Variants in RHPN2 observed in about 807,000 individuals in gnomAD.
The protein encoded by RHPN2 is rhophilin-2.
RHPN2 carries 40 observed loss-of-function variants against 79.0 expected under a neutral mutation model. The observed-to-expected ratio is 0.51, with a 90% CI of 0.39 to 0.66. The LOEUF (loss-of-function observed/expected upper bound fraction) is 0.66. Ranked by LOEUF, RHPN2 falls within the 30% of genes least tolerant of loss-of-function variation. RHPN2 has a pLI of 0.00. For missense variants in RHPN2, 686 were observed against 883.5 expected, an observed-to-expected ratio of 0.78 and a Z score of 2.83; for synonymous variants, 285 against 363.5, an observed-to-expected ratio of 0.78 and a Z score of 2.46.
At position 33,034,605 on chromosome 19, in the gene RHPN2, C is replaced by CAAAAA. The variant is rs71176187; in HGVS notation, c.186-7978_186-7974dup. ...TGGGTGACAGAGCGAGACTCCGTCT[C>CAAAAA]AAAAAAAAAAAAAAAAAATACAAAA... On this transcript the variant is annotated intron_variant, in intron 2 of 14. Coordinates refer to ENST00000254260, the MANE Select transcript of RHPN2 (RefSeq NM_033103.5). Among the ~76,000 whole-genome samples, 321 of 95,568 alleles carry CAAAAA rather than the reference C, an allele frequency of 3.4e-3. 9 individuals are homozygous for CAAAAA. Among genetic ancestry groups the CAAAAA allele is most frequent in the African/African-American group, 9.2e-3 (198 of 21,544 alleles). 62.7% of individuals were successfully genotyped at this position (95,568 alleles called of 152,430 possible). A position where few individuals can be genotyped will look rare whatever the true frequency, so the allele number is the denominator to read the frequency against.
chr19:33,056,014 T>C (rs147570415), intron 1 of RHPN2, among the ~76,000 whole-genome samples: 1 of 151,992 alleles, frequency 6.6e-6, no homozygotes, highest in South Asian at 2.1e-4. Context: ...CTCTTCCACA[T>C]AGTGCCAAGA....
chr19:33,062,159 T>G (rs915983702), intron 1 of RHPN2, among the ~76,000 whole-genome samples: 1 of 152,182 alleles, frequency 6.6e-6, no homozygotes, highest in Non-Finnish European at 1.5e-5. Flanking sequence ...CCTCTTATTT[T>G]GCACCCCTGA....
intron 1 of RHPN2, among the ~76,000 whole-genome samples, chr19:33,044,869 C>T (rs192721697): frequency 4.6e-5 from 7 of 152,064 alleles, no homozygotes; most frequent in Admixed American, 6.6e-5. Flanking sequence ...ACTCCAGCCT[C>T]GGCAACCAAA....
chr19:33,009,789 T>C (rs1013822961), intron 6 of RHPN2, among the ~76,000 whole-genome samples: 2 of 151,810 alleles, frequency 1.3e-5, no homozygotes, highest in Non-Finnish European at 2.9e-5. Context: ...TTTTATTTTT[T>C]ATTTTTTGAG....
chr19:33,026,035 G>T (rs150029189), intron 3 of RHPN2, among the ~76,000 whole-genome samples: 1 of 143,460 alleles, frequency 7.0e-6, no homozygotes, highest in Non-Finnish European at 1.5e-5. Flanking sequence ...TCTGTCAGCC[G>T]GGCTGGAGTA....
intron 2 of RHPN2, among the ~76,000 whole-genome samples, chr19:33,028,678 T>C (rs1393892178): frequency 2.6e-5 from 4 of 152,172 alleles, no homozygotes; most frequent in Non-Finnish European, 5.9e-5. Flanking sequence ...GCCTCCTTAG[T>C]TGGTACATTC....
At chr19:33,005,634 C>G (rs1231875797) in intron 7 of RHPN2, among the ~76,000 whole-genome samples, 4 of 149,646 alleles carry the variant, frequency 2.7e-5, no homozygotes, top group Non-Finnish European at 5.9e-5. Flanking sequence ...AAGCCCTGCC[C>G]TGCGGAGGGA....
At chr19:33,061,493 G>C (rs1435032182) in intron 1 of RHPN2, among the ~76,000 whole-genome samples, 1 of 147,878 alleles carries the variant, frequency 6.8e-6, no homozygotes, top group Non-Finnish European at 1.5e-5. Flanking sequence ...TTTTTTTTTG[G>C]GTTGCAGGGG....
intron 10 of RHPN2, among the ~76,000 whole-genome samples, chr19:32,996,757 G>A (rs1051830375): frequency 8.0e-5 from 12 of 150,360 alleles, no homozygotes; most frequent in Non-Finnish European, 1.2e-4. Context: ...CCCCTTCTTC[G>A]GGCCCGAGAG....
intron 6 of RHPN2, among the ~76,000 whole-genome samples, chr19:33,008,878 CG>C (rs1476879594): frequency 6.6e-6 from 1 of 152,026 alleles, no homozygotes; most frequent in East Asian, 1.9e-4. Context: ...AAATATCTGA[CG>C]GGGTAACTGG....
At position 32,990,684 on chromosome 19, in the gene RHPN2, T is replaced by A; in HGVS notation, c.1645-15A>T. ...GCTCCTGCCACCTGAAAAAGTATTG[T>A]TGAAATTAAGTCAACGTTTTGTTCA... On this transcript the variant is annotated splice_polypyrimidine_tract_variant and intron_variant, in intron 13 of 14. Transcript: ENST00000254260. 1 of 1,613,914 alleles carries A rather than the reference T, an allele frequency of 6.2e-7. No individual in the cohort carries two copies. Among genetic ancestry groups the A allele is most frequent in the Non-Finnish European group, 8.5e-7 (1 of 1,179,822 alleles).
chr19:33,039,195 C>G (rs1296302741), intron 2 of RHPN2, among the ~76,000 whole-genome samples: 1 of 152,116 alleles, frequency 6.6e-6, no homozygotes, highest in African/African-American at 2.4e-5. Context: ...GAGGACTGTC[C>G]CATCCCCTGC....
chr19:33,050,755 TGCAAACTCCACCTCCCGGGCTCAA>T (rs1160693717), intron 1 of RHPN2, among the ~76,000 whole-genome samples: 3 of 152,142 alleles, frequency 2.0e-5, no homozygotes, highest in Non-Finnish European at 2.9e-5. Flanking sequence ...CTCGGCTCAC[TGCAAACTCCACCTCCCGGGCTCAA>T]GCGATTCTCC....
chr19:33,011,665 C>A lies in RHPN2; in HGVS notation c.593+14G>T. 1 of 1,613,946 alleles carries A rather than the reference C, an allele frequency of 6.2e-7. No individual in the cohort carries two copies. The highest frequency in any genetic ancestry group is 8.5e-7 in the Non-Finnish European group (1 of 1,179,858). ...ATAACACGTGAAGCGCCAGCGCAGA[C>A]CTCAAGCACCTACCAGGTGAACAGG... is the stretch of plus-strand genomic sequence containing the variant. On this transcript the variant is annotated intron_variant, in intron 6 of 14. Transcript: ENST00000254260.
chr19:33,014,431 C>G (rs1443327100), intron 4 of RHPN2, among the ~76,000 whole-genome samples: 2 of 152,066 alleles, frequency 1.3e-5, no homozygotes, highest in African/African-American at 4.8e-5. Context: ...TCAGCCTCTC[C>G]AGGAGAGGGG....
intron 6 of RHPN2, among the ~76,000 whole-genome samples, chr19:33,010,383 TTG>T (rs1362782867): frequency 9.7e-6 from 1 of 103,162 alleles, no homozygotes; most frequent in African/African-American, 4.6e-5. Flanking sequence ...TTTTTTTAGG[TTG>T]TTTTTTTTTT....
rs1421485271 is a variant in RHPN2 at position 32,980,135 on chromosome 19, A to G, written c.1922T>C (p.Leu641Pro). 6.2e-7 allele frequency: 1 copy of G among 1,613,986 alleles called. No homozygotes were observed. The highest frequency in any genetic ancestry group is 1.1e-5 in the South Asian group (1 of 91,078). Residue 641 changes from leucine to proline, a missense_variant, in exon 15 of 15, where the codon CTG becomes CCG. Transcript: ENST00000254260. ...TCTGTTCTTGTTGGTGCCCCAACTC[A>G]GGAAGGAAAGCTTCTTGGAGATTTT... The part of the protein sequence containing the change: ...TKKISKKLSF[L>P]SWGTNKNRQK...
At chr19:33,018,773 G>A (rs1419405962) in intron 4 of RHPN2, among the ~76,000 whole-genome samples, 1 of 152,106 alleles carries the variant, frequency 6.6e-6, no homozygotes, top group African/African-American at 2.4e-5. Flanking sequence ...GGCCGGGAGC[G>A]GCGGCTCACA....
intron 1 of RHPN2, among the ~76,000 whole-genome samples, chr19:33,056,116 CTTT>C (rs748275930): frequency 7.4e-6 from 1 of 134,356 alleles, no homozygotes. Context: ...TTCTTTTTTC[CTTT>C]TTTTTTTTTT....
Sources: allele counts gnomAD v4.1 joint callset (sites outside exome capture counted in the v4.1 genomes callset), GRCh38; gene constraint gnomAD v4.1.1; transcripts MANE v1.5; gene names NCBI Gene and HGNC (gene_info 2026-07-23, HGNC 2026-07-21).